The following CUX2 variants were observed in gnomAD, a reference collection of about 807,000 sequenced individuals.
The protein encoded by CUX2 is cut like homeobox 2, also known as homeobox protein cut-like 2.
In CUX2, 40 loss-of-function variants were observed where a neutral mutation model predicts 144.8. The ratio of observed to expected loss-of-function variants is 0.28; its 90% CI spans 0.21 to 0.36. The LOEUF (loss-of-function observed/expected upper bound fraction) is 0.36. Among genes scored for constraint, CUX2 ranks in the 10% least tolerant of loss-of-function variants. The pLI is 1.00. For missense variants in CUX2, 1,615 were observed against 1,994.0 expected, an observed-to-expected ratio of 0.81 and a Z score of 3.62; for synonymous variants, 827 against 875.6, an observed-to-expected ratio of 0.94 and a Z score of 0.98.
rs1467628216 is a variant in CUX2 at position 111,287,173 on chromosome 12, G to A, written c.302-4245G>A. Among the ~76,000 whole-genome samples, 1 of 152,240 alleles carries A rather than the reference G, an allele frequency of 6.6e-6. No homozygotes were observed. The highest frequency in any genetic ancestry group is 1.5e-5 in the Non-Finnish European group (1 of 68,044). On this transcript the variant is annotated intron_variant, in intron 4 of 21. Transcript: ENST00000261726. This position sits in a 1 kb window ranked among gnomAD's most constrained non-coding sequence, Gnocchi z 4.2. ...AAGGAATGACCCAGAGGGCCTCGGA[G>A]TAGAACGAAATGTCAATACCTAATC...
intron 4 of CUX2, among the ~76,000 whole-genome samples, chr12:111,286,299 C>A (rs1222163077): frequency 6.6e-6 from 1 of 152,198 alleles, no homozygotes; most frequent in Non-Finnish European, 1.5e-5. Context: ...AGTCCTTAAC[C>A]ACCCTACACA....
At position 111,348,587 on chromosome 12, in the gene CUX2, G is replaced by T. The variant is rs1592996517; in HGVS notation, c.*262G>T. 2.5e-6 allele frequency: 1 copy of T among 405,452 alleles called. No homozygotes were observed. Among genetic ancestry groups the T allele is most frequent in the East Asian group, 3.9e-5 (1 of 25,844 alleles). 25.1% of individuals were successfully genotyped at this position (405,452 alleles called of 1,614,324 possible). ...CTCTGCAGGAGGCAGAAGCAAAATG[G>T]CACCACATATTCACCTGAAAACTCC... On this transcript the variant is annotated 3_prime_UTR_variant, in exon 22 of 22. Transcript: ENST00000261726.
At chr12:111,338,114 C>A (rs546944450) in intron 19 of CUX2, among the ~76,000 whole-genome samples, 172 bp from the exon 20 acceptor site, 1 of 152,202 alleles carries the variant, frequency 6.6e-6, no homozygotes, top group Non-Finnish European at 1.5e-5. Flanking sequence ...ACAGACCCCC[C>A]TCGGCTTCAC....
intron 1 of CUX2, among the ~76,000 whole-genome samples, chr12:111,111,444 T>C (rs539158124): frequency 5.3e-5 from 8 of 152,332 alleles, no homozygotes; most frequent in African/African-American, 1.9e-4. Flanking sequence ...TTTCATTTAG[T>C]AAACAAGGTT....
At chr12:111,036,558 G>A (rs1052038862) in intron 1 of CUX2, among the ~76,000 whole-genome samples, 2 of 152,084 alleles carry the variant, frequency 1.3e-5, no homozygotes, top group Non-Finnish European at 2.9e-5. Context: ...TAAAGGTAGG[G>A]GGTGGTGGAG....
intron 1 of CUX2, among the ~76,000 whole-genome samples, chr12:111,180,617 TCCTC>T (rs1879105550): frequency 6.6e-6 from 1 of 152,186 alleles, no homozygotes; most frequent in African/African-American, 2.4e-5. Context: ...GGAACTTTCT[TCCTC>T]CCAGTCTGAT....
In CUX2 at chr12:111,214,325, C is replaced by A; in HGVS notation, c.174+15C>A. 1 of 1,443,690 alleles carries A rather than the reference C, an allele frequency of 6.9e-7. No homozygotes were observed. 89.4% of individuals were successfully genotyped at this position (1,443,690 alleles called of 1,614,324 possible). A position where few individuals can be genotyped will look rare whatever the true frequency, so the allele number is the denominator to read the frequency against. On this transcript the variant is annotated intron_variant, in intron 2 of 21. Transcript: ENST00000261726. Reference sequence around the variant, plus strand: ...ATGTACCTGAGGTATGGTATATTTGCCGTTATAGAATTAACTCAGTAGGAA... The same window carrying A: ...ATGTACCTGAGGTATGGTATATTTGACGTTATAGAATTAACTCAGTAGGAA...
chr12:111,336,285 C>T (rs572667407), intron 19 of CUX2, among the ~76,000 whole-genome samples: 2 of 152,188 alleles, frequency 1.3e-5, no homozygotes, highest in South Asian at 2.1e-4. Flanking sequence ...GTATGCAAAC[C>T]CCAACATTTT....
At chr12:111,252,754 C>T (rs1439006451) in intron 3 of CUX2, among the ~76,000 whole-genome samples, 1 of 150,620 alleles carries the variant, frequency 6.6e-6, no homozygotes, top group Non-Finnish European at 1.5e-5. Context: ...AATGTCATAG[C>T]AGGAGCCATT....
At chr12:111,155,835 G>A (rs949356271) in intron 1 of CUX2, among the ~76,000 whole-genome samples, 1 of 151,792 alleles carries the variant, frequency 6.6e-6, no homozygotes. Flanking sequence ...TCTCTAATAT[G>A]ATATAAAAGT....
intron 1 of CUX2, among the ~76,000 whole-genome samples, chr12:111,121,876 A>G (rs1202874272): frequency 7.0e-6 from 1 of 141,938 alleles, no homozygotes; most frequent in Non-Finnish European, 1.6e-5. Flanking sequence ...TTCTTAGGTA[A>G]CTGTTCAAGA....
rs1223366169 is a variant in CUX2, at chr12:111,307,228, T to C, written c.1080T>C (p.Ser360=). 1 of 1,614,176 alleles carries C rather than the reference T, an allele frequency of 6.2e-7. No homozygotes were observed. The highest frequency in any genetic ancestry group is 1.3e-5 in the African/African-American group (1 of 75,044). The change falls in exon 12 of 22, where the codon TCT becomes TCC. Residue 360 remains serine (S), a synonymous_variant. Coordinates refer to ENST00000261726, the MANE Select transcript of CUX2 (RefSeq NM_015267.4). This position sits in a 1 kb window ranked among gnomAD's most constrained non-coding sequence, Gnocchi z 4.1. The part of the protein sequence containing the change: ...EKLEEKLQAQ[S]DYEEIKTELS... ...TGGAAGAGAAGCTCCAGGCCCAGTC[T>C]GACTATGAGGAAATTAAAACGGAGC...
At chr12:111,251,834 G>A (rs191162054) in intron 3 of CUX2, among the ~76,000 whole-genome samples, 1 of 152,026 alleles carries the variant, frequency 6.6e-6, no homozygotes, top group East Asian at 1.9e-4. Flanking sequence ...GGGGTGCAGG[G>A]GATGTTCATG....
At chr12:111,087,628 T>C (rs764178104) in intron 1 of CUX2, among the ~76,000 whole-genome samples, 32 of 152,178 alleles carry the variant, frequency 2.1e-4, no homozygotes, top group Admixed American at 7.2e-4. Context: ...GACTTAGCCA[T>C]AAGTTGTTTG....
chr12:111,298,413 C>G (rs531337871), intron 8 of CUX2, 128 bp from the exon 9 acceptor site: 1 of 912,640 alleles, frequency 1.1e-6, no homozygotes, highest in East Asian at 2.7e-5. Context: ...CTCCCCAGCC[C>G]GATTTCTCTC....
chr12:111,215,438 A>G (rs1209166434), intron 2 of CUX2, among the ~76,000 whole-genome samples: 5 of 152,188 alleles, frequency 3.3e-5, no homozygotes, highest in Admixed American at 6.5e-5. Context: ...TTGGTTCTTC[A>G]AGGCAAGAGA....
intron 19 of CUX2, among the ~76,000 whole-genome samples, chr12:111,336,473 T>C (rs184023776): frequency 6.7e-6 from 1 of 150,102 alleles, no homozygotes; most frequent in African/African-American, 2.5e-5. Context: ...AGATGGAGTC[T>C]CCTGTCACCC....
intron 1 of CUX2, among the ~76,000 whole-genome samples, chr12:111,038,958 A>AT (rs975735644): frequency 3.5e-4 from 50 of 142,636 alleles, no homozygotes; most frequent in East Asian, 4.1e-4. Context: ...TTTTTTCCTT[A>AT]TTTTTTTTTT....
intron 3 of CUX2, among the ~76,000 whole-genome samples, chr12:111,248,332 C>T (rs1358042043): frequency 1.3e-5 from 2 of 152,200 alleles, no homozygotes; most frequent in Non-Finnish European, 2.9e-5. Context: ...CTAGGCATGC[C>T]TCACCACCCA....
Sources: gnomAD v4.1 joint callset for allele counts (sites outside exome capture counted in the v4.1 genomes callset) on GRCh38, gnomAD v4.1.1 for gene constraint, Gnocchi (gnomAD v3.1) non-coding constraint, MANE v1.5 for transcripts, NCBI Gene and HGNC (gene_info 2026-07-23, HGNC 2026-07-21) for gene names.